HS1BP3: variants seen among roughly 807,000 people sequenced by gnomAD.
The protein encoded by HS1BP3 is HCLS1 binding protein 3.
A neutral mutation model predicts 33.5 loss-of-function variants in HS1BP3; 32 were observed. That is an observed-to-expected ratio of 0.95 (90% CI 0.72 to 1.28). The LOEUF is 1.28. HS1BP3 is among the 50% of genes most tolerant of loss of function. The pLI is 0.00. For synonymous variants in HS1BP3, 187 were observed against 209.2 expected (o/e 0.89, Z 0.92); for missense variants, 486 against 502.3 (o/e 0.97, Z 0.31).
chr2:20,597,662 A>G (rs75012198), intron 3 of HS1BP3, among the ~76,000 whole-genome samples: 1 of 139,454 alleles, frequency 7.2e-6, no homozygotes, highest in African/African-American at 2.7e-5. Flanking sequence ...TTTGCTTGAG[A>G]AAAAAAAAAA....
chr2:20,579,644 C>G (rs1483338669), intron 5 of HS1BP3, among the ~76,000 whole-genome samples: 1 of 152,180 alleles, frequency 6.6e-6, no homozygotes, highest in Non-Finnish European at 1.5e-5. Context: ...TGGGGGCCCA[C>G]TGAGCTGCCT....
At chr2:20,558,278 G>A (rs78366677), downstream of HS1BP3, among the ~76,000 whole-genome samples, 4,465 of 152,272 alleles carry the variant, frequency 0.029, 97 homozygotes, top group East Asian at 0.077. Context: ...GGTAATGGAA[G>A]GGGTCGCCAG....
At chr2:20,648,602 A>T (rs951639195) in intron 1 of HS1BP3, among the ~76,000 whole-genome samples, 3 of 152,150 alleles carry the variant, frequency 2.0e-5, no homozygotes, top group African/African-American at 7.2e-5. Flanking sequence ...TCCCCTTGAT[A>T]GCATCCAGAG....
In HS1BP3 at chr2:20,611,988, T is replaced by A. The variant is rs531641347; in HGVS notation, c.178+11908A>T. ...AGTACTCAAACTCTAGGATTCCTCATAGCCCAATAGACAGCAGCTTAACAG... is the reference window on the plus strand; with the variant it reads ...AGTACTCAAACTCTAGGATTCCTCAAAGCCCAATAGACAGCAGCTTAACAG... On this transcript the variant is annotated intron_variant, in intron 2 of 3. Transcript: ENST00000415264. The surrounding 1 kb of genome is among the most constrained non-coding windows in gnomAD (Gnocchi z 4.9). Among the ~76,000 whole-genome samples, 1 of 152,358 alleles carries A rather than the reference T, an allele frequency of 6.6e-6. No individual in the cohort carries two copies. Among genetic ancestry groups the A allele is most frequent in the African/African-American group, 2.4e-5 (1 of 41,598 alleles).
chr2:20,594,242 G>A (rs957715022), intron 3 of HS1BP3, among the ~76,000 whole-genome samples: 2 of 152,008 alleles, frequency 1.3e-5, no homozygotes, highest in African/African-American at 4.8e-5. Flanking sequence ...GGGAGAGTGG[G>A]GGCCCAGGTG....
At position 20,611,456 on chromosome 2, in the gene HS1BP3, G is replaced by A. The variant is rs1404651949; in HGVS notation, c.178+12440C>T. On this transcript the variant is annotated intron_variant, in intron 2 of 3. Transcript: ENST00000415264. The surrounding 1 kb of genome is among the most constrained non-coding windows in gnomAD (Gnocchi z 4.9). ...AAACCTCTCTCCACTTGACCACATC[G>A]TGCGCAAAGTTCAGGGACCAGGAGA... 2.0e-5 allele frequency among the ~76,000 whole-genome samples: 3 copies of A among 152,186 alleles called. No individual in the cohort carries two copies. The highest frequency in any genetic ancestry group is 2.9e-5 in the Non-Finnish European group (2 of 68,036).
At chr2:20,557,686 T>G (rs1692873033), downstream of HS1BP3, among the ~76,000 whole-genome samples, 1 of 152,096 alleles carries the variant, frequency 6.6e-6, no homozygotes, top group South Asian at 2.1e-4. Flanking sequence ...GCAAGGAGGG[T>G]GCTCTGCAGG....
At chr2:20,579,031 C>T (rs1693467140) in intron 5 of HS1BP3, among the ~76,000 whole-genome samples, 1 of 152,242 alleles carries the variant, frequency 6.6e-6, no homozygotes, top group Non-Finnish European at 1.5e-5. Context: ...GGTTTGGTGG[C>T]CACTGAAGCC....
intron 5 of HS1BP3, among the ~76,000 whole-genome samples, chr2:20,576,339 A>T (rs1288221721): frequency 6.6e-6 from 1 of 152,018 alleles, no homozygotes; most frequent in African/African-American, 2.4e-5. Context: ...TATGGACTCT[A>T]TGTGTTCCTC....
rs1005864181 is a variant in HS1BP3, at chr2:20,574,475, C to T, written c.303-13960G>A. On this transcript the variant is annotated intron_variant, in intron 5 of 5. Transcript: ENST00000446825. ...GGCTGCCTCCTTTTTCCCACCACTG[C>T]GAAGGGCCCTAGGCTTGGCAAGCAG... Among the ~76,000 whole-genome samples, 16 of 152,258 alleles carry T rather than the reference C, an allele frequency of 1.1e-4. No homozygotes were observed. In the South Asian group the frequency reaches 1.2e-3, roughly 12 times the overall value.
rs367884856 is a variant in HS1BP3 at position 20,646,302 on chromosome 2, C to T, written c.33-797G>A. 2.0e-5 allele frequency among the ~76,000 whole-genome samples: 3 copies of T among 152,182 alleles called. No individual in the cohort carries two copies. The East Asian group carries it at 5.8e-4, about 29-fold the overall frequency. On this transcript the variant is annotated intron_variant, in intron 1 of 6. Transcript: ENST00000304031. The stretch of plus-strand genomic sequence containing the variant: ...TGGGGCACCCTCTGAGCAGCTCTGA[C>T]CATCGAGGTGAGACCTCCTGTGTGC...
intron 2 of HS1BP3, among the ~76,000 whole-genome samples, chr2:20,605,558 TC>T (rs140594610): frequency 0.04 from 6,106 of 152,242 alleles, 161 homozygotes; most frequent in African/African-American, 0.071. Flanking sequence ...GAATATGTCA[TC>T]ACCCCCCAAA....
intron 2 of HS1BP3, chr2:20,606,241 A>C (rs1694173933): frequency 3.9e-6 from 1 of 253,852 alleles, no homozygotes; most frequent in South Asian, 6.2e-5. Context: ...TGATTTAATA[A>C]AGTTTTATTT....
intron 1 of HS1BP3, among the ~76,000 whole-genome samples, chr2:20,650,525 G>A (rs1357530547): frequency 6.6e-6 from 1 of 152,114 alleles, no homozygotes; most frequent in East Asian, 1.9e-4. Flanking sequence ...CCCAGAAACC[G>A]GGTTCCTGCC....
chr2:20,615,610 C>G (rs1380085941), downstream of HS1BP3, among the ~76,000 whole-genome samples: 1 of 152,230 alleles, frequency 6.6e-6, no homozygotes, highest in African/African-American at 2.4e-5. Context: ...TGGGGACATG[C>G]TGGTAGCTCT....
intron 2 of HS1BP3, among the ~76,000 whole-genome samples, chr2:20,601,729 CCTCTTTCCTTTATAAATCA>C (rs1428654134): frequency 6.7e-6 from 1 of 149,542 alleles, no homozygotes; most frequent in East Asian, 2.0e-4. Flanking sequence ...GTCCATTAAA[CCTCTTTCCTTTATAAATCA>C]CCCAGTTTTC....
chr2:20,641,131 C>T lies in HS1BP3; in HGVS notation c.248G>A (p.Ser83Asn). 6.2e-7 allele frequency: 1 copy of T among 1,612,232 alleles called. No homozygotes were observed. Among genetic ancestry groups the T allele is most frequent in the Middle Eastern group, 1.6e-4 (1 of 6,062 alleles). Residue 83 changes from serine (S) to asparagine (N), a missense_variant, in exon 3 of 7, where the codon AGT becomes AAT. Physicochemically the swap from Ser to Asn is conservative, Grantham distance 46. Transcript: ENST00000304031. ...GGGGAGGCTGGCTGCTGCATAACGA[C>T]TGCTCAGTTTCTGGTAAAACTCCTC... ...EIEEFYQKLS[S>N]RYAAASLPPL...
chr2:20,595,803 G>A (rs912299785), intron 3 of HS1BP3, among the ~76,000 whole-genome samples: 2 of 152,188 alleles, frequency 1.3e-5, no homozygotes, highest in East Asian at 1.9e-4. Flanking sequence ...TGATGGTCAC[G>A]TCCATCCATC....
chr2:20,604,317 C>T (rs1362726816), intron 2 of HS1BP3, among the ~76,000 whole-genome samples: 2 of 152,174 alleles, frequency 1.3e-5, no homozygotes, highest in African/African-American at 4.8e-5. Flanking sequence ...GTCTACACCC[C>T]ACATTCTGCT....
Sources: gnomAD v4.1 joint callset for allele counts (sites outside exome capture counted in the v4.1 genomes callset) on GRCh38, gnomAD v4.1.1 for gene constraint, Gnocchi (gnomAD v3.1) non-coding constraint, MANE v1.5 for transcripts, NCBI Gene and HGNC (gene_info 2026-07-23, HGNC 2026-07-21) for gene names.